ACOXL: variants seen among roughly 807,000 people sequenced by gnomAD.
ACOXL encodes acyl-CoA oxidase like.
Under a neutral mutation model 71.9 loss-of-function variants are expected in ACOXL, and 70 were observed. The ratio of observed to expected loss-of-function variants is 0.97; its 90% confidence interval spans 0.80 to 1.19. The LOEUF is 1.19. Ranked by LOEUF, ACOXL falls within the 50% of genes most tolerant of loss-of-function variation. The pLI, the probability that ACOXL is intolerant of heterozygous loss-of-function variation, is 0.00. For missense variants in ACOXL, 703 were observed against 736.3 expected (o/e 0.95, Z 0.52); for synonymous variants, 253 against 281.6 (o/e 0.90, Z 1.02).
At chr2:110,852,343 T>C (rs1174649812) in intron 10 of ACOXL, among the ~76,000 whole-genome samples, 1 of 150,496 alleles carries the variant, frequency 6.6e-6, no homozygotes, top group Non-Finnish European at 1.5e-5. Flanking sequence ...CTGGTCAGGC[T>C]GCGCGTGGGG....
At position 110,821,287 on chromosome 2, in the gene ACOXL, T is replaced by C. The variant is rs112856464; in HGVS notation, c.753+15892T>C. Among the ~76,000 whole-genome samples the C allele has an allele frequency of 2.3e-3, 352 of 151,070 alleles. 1 individual carries two copies. The highest frequency in any genetic ancestry group is 7.6e-3 in the African/African-American group (310 of 40,684). On this transcript the variant is annotated intron_variant, in intron 9 of 17. Coordinates refer to ENST00000439055, the MANE Select transcript of ACOXL (RefSeq NM_001142807.4). ...CAAAATACTTTCTCTCTCTCTCTCT[T>C]TTTTTTTAACATATTTCTGCTAGTT...
chr2:110,744,998 T>A (rs1245787272), intron 1 of ACOXL, among the ~76,000 whole-genome samples: 1 of 152,248 alleles, frequency 6.6e-6, no homozygotes, highest in Non-Finnish European at 1.5e-5. Flanking sequence ...GCCCCAAGTT[T>A]GCCTTGCCAG....
intron 13 of ACOXL, among the ~76,000 whole-genome samples, chr2:110,988,162 A>G (rs1423753884): frequency 6.6e-6 from 1 of 152,224 alleles, no homozygotes; most frequent in Non-Finnish European, 1.5e-5. Flanking sequence ...TTTCAGCCAG[A>G]CATGGTGGCT....
chr2:110,827,136 G>C (rs1689257750), intron 9 of ACOXL, among the ~76,000 whole-genome samples: 2 of 152,172 alleles, frequency 1.3e-5, no homozygotes, highest in African/African-American at 2.4e-5. Flanking sequence ...AATCCTCCCT[G>C]AGCTCCTGCT....
intron 17 of ACOXL, chr2:111,098,792 G>T (rs1018439623): frequency 6.6e-6 from 1 of 152,078 alleles, no homozygotes; most frequent in African/African-American, 2.4e-5. Flanking sequence ...GTTAGCATAG[G>T]GAGATAGCAA....
chr2:110,740,890 C>G (rs56031628), intron 1 of ACOXL, among the ~76,000 whole-genome samples: 6,562 of 152,258 alleles, frequency 0.043, 212 homozygotes, highest in African/African-American at 0.074. Context: ...TTCACAGTGA[C>G]AACACTGTTA....
At chr2:110,891,317 A>G (rs955446698) in intron 10 of ACOXL, among the ~76,000 whole-genome samples, 10 of 152,128 alleles carry the variant, frequency 6.6e-5, no homozygotes, top group African/African-American at 7.2e-5. Flanking sequence ...TAAAAAGTCT[A>G]TCTTGTACAA....
chr2:110,963,804 A>G, intron 12 of ACOXL: 1 of 1,539,380 alleles, frequency 6.5e-7, no homozygotes, highest in Non-Finnish European at 8.8e-7. Context: ...GCCTTCTTTA[A>G]TTGGCAGGTG....
chr2:111,015,407 C>T (rs1021772522), intron 14 of ACOXL, among the ~76,000 whole-genome samples: 1 of 152,186 alleles, frequency 6.6e-6, no homozygotes, highest in African/African-American at 2.4e-5. Context: ...GAAATTAAAA[C>T]CACAGTGAAA....
chr2:111,019,475 G>C (rs1041508047), intron 14 of ACOXL, among the ~76,000 whole-genome samples: 2 of 152,230 alleles, frequency 1.3e-5, no homozygotes, highest in East Asian at 3.8e-4. Context: ...CAAAAGGGAA[G>C]AAGGAGGAGA....
chr2:110,994,302 G>A (rs1039652541), intron 13 of ACOXL, among the ~76,000 whole-genome samples: 5 of 152,284 alleles, frequency 3.3e-5, no homozygotes, highest in Admixed American at 1.3e-4. Context: ...TAAATGTCCC[G>A]GTAATTGGCA....
At chr2:111,101,104 G>C (rs115944475) in intron 17 of ACOXL, 1 of 152,640 alleles carries the variant, frequency 6.6e-6, no homozygotes, top group African/African-American at 2.4e-5. Context: ...GCAGAAGTGT[G>C]GTAGACACCA....
Position 110,784,715 on chromosome 2 carries a change from G to A in ACOXL, c.76-17G>A, listed in dbSNP as rs944915037. 3.8e-6 allele frequency: 6 copies of A among 1,588,538 alleles called. No homozygotes were observed. The Admixed American group carries it at 5.4e-5, about 14-fold the overall frequency. ...AACCATAAGGAAACCTTGATACTGAGTCTATCATATTTTCAGGCAGAGAAA... is the reference window on the plus strand; with the variant it reads ...AACCATAAGGAAACCTTGATACTGAATCTATCATATTTTCAGGCAGAGAAA... On this transcript the variant is annotated splice_polypyrimidine_tract_variant and intron_variant, in intron 2 of 17. Coordinates refer to ENST00000439055, the MANE Select transcript of ACOXL (RefSeq NM_001142807.4).
chr2:111,064,896 T>C (rs1413171701), intron 16 of ACOXL, among the ~76,000 whole-genome samples: 1 of 152,192 alleles, frequency 6.6e-6, no homozygotes, highest in Non-Finnish European at 1.5e-5. Context: ...TATTCATCAA[T>C]TGGAAGATTC....
At chr2:110,998,736 T>A (rs1383220134) in intron 14 of ACOXL, among the ~76,000 whole-genome samples, 1 of 152,202 alleles carries the variant, frequency 6.6e-6, no homozygotes, top group African/African-American at 2.4e-5. Context: ...TTTTGATACA[T>A]TTTCATCCTA....
intron 12 of ACOXL, among the ~76,000 whole-genome samples, chr2:110,943,152 G>C (rs2060946470): frequency 1.2e-5 from 1 of 85,334 alleles, no homozygotes; most frequent in East Asian, 4.3e-4. Context: ...GGAAGAAAGA[G>C]AAAGAAAAAG....
chr2:110,747,837 T>G (rs1185567128), intron 1 of ACOXL, among the ~76,000 whole-genome samples: 2 of 152,298 alleles, frequency 1.3e-5, no homozygotes, highest in Admixed American at 1.3e-4. Flanking sequence ...CTCCCTTTAC[T>G]TCCTGTCTGC....
rs906341542 is a variant in ACOXL at position 110,798,856 on chromosome 2, G to T, written c.460+132G>T. On this transcript the variant is annotated intron_variant, in intron 6 of 17. Transcript: ENST00000439055. ...AACTTTATCTCCTAATATGCATGAAGAAATTTATCATTACATTTTGACATT... is the reference window on the plus strand; with the variant it reads ...AACTTTATCTCCTAATATGCATGAATAAATTTATCATTACATTTTGACATT... 5.3e-6 allele frequency: 6 copies of T among 1,141,646 alleles called. No homozygotes were observed. The African/African-American group carries it at 6.2e-5, about 12-fold the overall frequency. 70.7% of individuals were successfully genotyped at this position (1,141,646 alleles called of 1,614,324 possible).
intron 10 of ACOXL, among the ~76,000 whole-genome samples, chr2:110,845,498 A>G (rs555923627): frequency 4.6e-5 from 7 of 152,236 alleles, no homozygotes; most frequent in African/African-American, 1.7e-4. Flanking sequence ...ATACATTCCC[A>G]CTGCTGTGCA....
Sources: gnomAD v4.1 joint callset for allele counts (sites outside exome capture counted in the v4.1 genomes callset) on GRCh38, gnomAD v4.1.1 for gene constraint, MANE v1.5 for transcripts, NCBI Gene and HGNC (gene_info 2026-07-23, HGNC 2026-07-21) for gene names.